Variants in TMEM237 observed in about 807,000 individuals in gnomAD.
The protein encoded by TMEM237 is amyotrophic lateral sclerosis 2 (juvenile) chromosome region, candidate 4.
Under a neutral mutation model 59.1 loss-of-function variants are expected in TMEM237, and 51 were observed. That is an observed-to-expected ratio of 0.86 (90% confidence interval 0.69 to 1.09). The LOEUF is 1.09. TMEM237 is among the 50% of genes least tolerant of loss of function. The pLI is 0.00. For missense variants in TMEM237, 475 were observed against 478.3 expected, an observed-to-expected ratio of 0.99 and a Z score of 0.06; for synonymous variants, 140 against 166.1, an observed-to-expected ratio of 0.84 and a Z score of 1.21.
At chr2:201,629,500 A>C in intron 8 of TMEM237, 79 bp from the exon 9 acceptor site, 1 of 1,398,122 alleles carries the variant, frequency 7.2e-7, no homozygotes, top group Non-Finnish European at 9.4e-7. Context: ...CTCTTCATAT[A>C]CAAGAATAAA....
Position 201,624,107 on chromosome 2 carries a change from A to G in TMEM237, c.*148T>C, listed in dbSNP as rs1050613201. The G allele has an allele frequency of 8.0e-6, 4 of 499,894 alleles. No homozygotes were observed. Among genetic ancestry groups the G allele is most frequent in the African/African-American group, 7.9e-5 (4 of 50,726 alleles). 31.0% of individuals were successfully genotyped at this position (499,894 alleles called of 1,614,324 possible). On this transcript the variant is annotated 3_prime_UTR_variant, in exon 13 of 13. Coordinates refer to ENST00000409883, the MANE Select transcript of TMEM237 (RefSeq NM_001044385.3). ...AGACATAAACAGCAAACACAATTTTAACATTTTTCATAATATTGAGAGATG... is the reference window on the plus strand; with the variant it reads ...AGACATAAACAGCAAACACAATTTTGACATTTTTCATAATATTGAGAGATG...
chr2:201,629,235 A>G lies in TMEM237; in HGVS notation c.864T>C (p.Phe288=). 6.4e-7 allele frequency: 1 copy of G among 1,559,520 alleles called. No homozygotes were observed. Among genetic ancestry groups the G allele is most frequent in the Non-Finnish European group, 8.6e-7 (1 of 1,159,612 alleles). ...LLLALSTISA[F]DRIDFAKISV... The stretch of plus-strand genomic sequence containing the variant: ...TCTGGAGTCATAGGCATTACCTGTC[A>G]AAAGCTGAAATTGTACTCAGAGCCA... Residue 288 remains phenylalanine (F), a synonymous_variant, in exon 9 of 13, where the codon TTT becomes TTC. Coordinates refer to ENST00000409883, the MANE Select transcript of TMEM237 (RefSeq NM_001044385.3).
At chr2:201,640,123 G>A (rs1417615516) in intron 3 of TMEM237, 138 bp downstream of exon 3, 1 of 664,220 alleles carries the variant, frequency 1.5e-6, no homozygotes, top group Non-Finnish European at 2.3e-6. Flanking sequence ...TTAAATGGTA[G>A]TCATGGGAGA....
rs1687274956 is a variant in TMEM237, at chr2:201,635,251, G to A, written c.274+1497C>T. ...AAGTCCTAACTCATAATACCTGTGA[G>A]TGTAACCTTATTTGGAAACAAGAGT... On this transcript the variant is annotated intron_variant, in intron 5 of 12. Transcript: ENST00000409883. This position sits in a 1 kb window ranked among gnomAD's most constrained non-coding sequence, Gnocchi z 4.5. Among the ~76,000 whole-genome samples the A allele has an allele frequency of 6.6e-6, 1 of 152,166 alleles. No homozygotes were observed. The highest frequency in any genetic ancestry group is 1.5e-5 in the Non-Finnish European group (1 of 68,030).
rs1408674556 is a variant in TMEM237 at position 201,635,740 on chromosome 2, C to A, written c.274+1008G>T. Among the ~76,000 whole-genome samples the A allele has an allele frequency of 3.4e-5, 5 of 146,606 alleles. No homozygotes were observed. Among genetic ancestry groups the A allele is most frequent in the Non-Finnish European group, 6.0e-5 (4 of 67,158 alleles). On this transcript the variant is annotated intron_variant, in intron 5 of 12. Coordinates refer to ENST00000409883, the MANE Select transcript of TMEM237 (RefSeq NM_001044385.3). This position sits in a 1 kb window ranked among gnomAD's most constrained non-coding sequence, Gnocchi z 4.5. ...TCGCACCATTGCACTCCAGCCTGGGCTATAAGAGTGAAACTCCATCTTAAA... is the reference window on the plus strand; with the variant it reads ...TCGCACCATTGCACTCCAGCCTGGGATATAAGAGTGAAACTCCATCTTAAA...
At chr2:201,642,666 C>G in intron 1 of TMEM237, 3 of 1,607,210 alleles carry the variant, frequency 1.9e-6, no homozygotes, top group African/African-American at 1.3e-5. Flanking sequence ...GGCCCCCAAG[C>G]ACCTGGCGCC....
At position 201,622,997 on chromosome 2, in the gene TMEM237, A is replaced by G. The variant is rs959449958; in HGVS notation, c.*1258T>C. On this transcript the variant is annotated 3_prime_UTR_variant, in exon 13 of 13. Transcript: ENST00000409883. ...CATTGCTGGTCACAGTGAAAGCTGG[A>G]ACTAGCAGGATGCCTTCAGAATTGC... 5.6e-6 allele frequency: 1 copy of G among 180,064 alleles called. No homozygotes were observed. Among genetic ancestry groups the G allele is most frequent in the Non-Finnish European group, 1.2e-5 (1 of 82,712 alleles). The allele number at this position is 180,064 out of a possible 1,614,324, so 11.2% of individuals were successfully genotyped here.
chr2:201,643,358 C>A lies in TMEM237; in HGVS notation c.42+1G>T. 6.5e-7 allele frequency: 1 copy of A among 1,547,126 alleles called. No individual in the cohort carries two copies. The highest frequency in any genetic ancestry group is 8.7e-7 in the Non-Finnish European group (1 of 1,145,438). The stretch of plus-strand genomic sequence containing the variant: ...AGGCCGACGCGCCCCTCGCCGCTCA[C>A]CAGGTGGCCCTCCTCCAGCCGAGCC... On this transcript the variant is annotated splice_donor_variant, in intron 1 of 12. Transcript: ENST00000409883. LOFTEE classifies it high-confidence loss of function. This position sits in a 1 kb window ranked among gnomAD's most constrained non-coding sequence, Gnocchi z 4.3.
intron 6 of TMEM237, 122 bp from the exon 7 acceptor site, chr2:201,632,330 T>C: frequency 3.7e-6 from 4 of 1,091,898 alleles, no homozygotes; most frequent in Non-Finnish European, 5.3e-6. Context: ...AATGTGGTTT[T>C]TACTCAAATA....
rs1312463028 is a variant in TMEM237, at chr2:201,620,804, C to A, written c.*3451G>T. The A allele has an allele frequency of 6.6e-6, 1 of 152,172 alleles. No individual in the cohort carries two copies. Among genetic ancestry groups the A allele is most frequent in the Non-Finnish European group, 1.5e-5 (1 of 68,042 alleles). 9.4% of individuals were successfully genotyped at this position (152,172 alleles called of 1,614,324 possible). A position where few individuals can be genotyped will look rare whatever the true frequency, so the allele number is the denominator to read the frequency against. ...ATCGTCCTTTCACGGCCTTCCCCAG[C>A]TCTATTTGTTAGGATTTTTAACACA... On this transcript the variant is annotated 3_prime_UTR_variant, in exon 13 of 13. Coordinates refer to ENST00000409883, the MANE Select transcript of TMEM237 (RefSeq NM_001044385.3).
At chr2:201,632,232 A>G in intron 6 of TMEM237, 24 bp from the exon 7 acceptor site, 1 of 1,610,660 alleles carries the variant, frequency 6.2e-7, no homozygotes, top group South Asian at 1.1e-5. Flanking sequence ...GTATGTATGA[A>G]AAATAGATGA....
intron 7 of TMEM237, 27 bp from the exon 8 acceptor site, chr2:201,629,879 C>A: frequency 6.3e-7 from 1 of 1,599,362 alleles, no homozygotes; most frequent in South Asian, 1.2e-5. Flanking sequence ...TAATTACTAA[C>A]AACTAGCGAG....
intron 1 of TMEM237, chr2:201,642,930 A>T: frequency 7.5e-7 from 1 of 1,327,292 alleles, no homozygotes; most frequent in Non-Finnish European, 9.6e-7. Flanking sequence ...GGTGGCGGTG[A>T]TTTGTTTGCG....
intron 1 of TMEM237, 37 bp from the exon 2 acceptor site, chr2:201,640,961 G>GC (rs756656014): frequency 6.3e-7 from 1 of 1,582,546 alleles, no homozygotes; most frequent in Non-Finnish European, 8.6e-7. Flanking sequence ...GTAAGTAAAA[G>GC]CCTAGAGCAT....
intron 1 of TMEM237, chr2:201,642,774 C>A: frequency 7.0e-7 from 1 of 1,430,820 alleles, no homozygotes; most frequent in South Asian, 1.5e-5. Context: ...GGGGATGTTG[C>A]GGTGAGAGGC....
chr2:201,642,436 T>C (rs1026886475), intron 1 of TMEM237, among the ~76,000 whole-genome samples: 3 of 152,180 alleles, frequency 2.0e-5, no homozygotes, highest in African/African-American at 7.2e-5. Flanking sequence ...GTTCTAAAGA[T>C]GCTACGAAGC....
In TMEM237 at chr2:201,643,459, C is replaced by G; in HGVS notation, c.-59G>C. 1.4e-6 allele frequency: 2 copies of G among 1,386,386 alleles called. No homozygotes were observed. The highest frequency in any genetic ancestry group is 1.9e-6 in the Non-Finnish European group (2 of 1,062,176). The allele number at this position is 1,386,386 out of a possible 1,614,324, so 85.9% of individuals were successfully genotyped here. A position where few individuals can be genotyped will look rare whatever the true frequency, so the allele number is the denominator to read the frequency against. On this transcript the variant is annotated 5_prime_UTR_variant, in exon 1 of 13. Coordinates refer to ENST00000409883, the MANE Select transcript of TMEM237 (RefSeq NM_001044385.3). This position sits in a 1 kb window ranked among gnomAD's most constrained non-coding sequence, Gnocchi z 4.3. Reference sequence around the variant, plus strand: ...CGCCGGCGGCCCGAGCCCAGCTCCCCGCGACGCAGCGGCCTCCGGGACCTG... The same window carrying G: ...CGCCGGCGGCCCGAGCCCAGCTCCCGGCGACGCAGCGGCCTCCGGGACCTG...
intron 1 of TMEM237, among the ~76,000 whole-genome samples, chr2:201,642,449 G>C (rs182164457): frequency 6.6e-6 from 1 of 152,170 alleles, no homozygotes; most frequent in Middle Eastern, 3.2e-3. Context: ...TACGAAGCGC[G>C]CGCGATCGAT....
At position 201,635,826 on chromosome 2, in the gene TMEM237, A is replaced by G. The variant is rs891248581; in HGVS notation, c.274+922T>C. Among the ~76,000 whole-genome samples the G allele has an allele frequency of 6.6e-6, 1 of 151,642 alleles. No homozygotes were observed. The highest frequency in any genetic ancestry group is 1.5e-5 in the Non-Finnish European group (1 of 67,956). ...ATTCTTTTCTAGAGACTTCAGAGGG[A>G]GCATAGTCCTGCAGACAACTTGATT... On this transcript the variant is annotated intron_variant, in intron 5 of 12. Transcript: ENST00000409883. The surrounding 1 kb of genome is among the most constrained non-coding windows in gnomAD (Gnocchi z 4.5).
Sources: allele counts gnomAD v4.1 joint callset (sites outside exome capture counted in the v4.1 genomes callset), GRCh38; gene constraint gnomAD v4.1.1; non-coding constraint Gnocchi (gnomAD v3.1); transcripts MANE v1.5; gene names NCBI Gene and HGNC (gene_info 2026-07-23, HGNC 2026-07-21).